DSCAML1: variants seen among roughly 807,000 people sequenced by gnomAD.
The protein encoded by DSCAML1 is cell adhesion molecule DSCAML1.
A neutral mutation model predicts 200.5 loss-of-function variants in DSCAML1; 38 were observed. The ratio of observed to expected loss-of-function variants is 0.19; its 90% CI spans 0.15 to 0.25. The LOEUF (loss-of-function observed/expected upper bound fraction) is 0.25. DSCAML1 is among the 10% of genes least tolerant of loss of function. The pLI is 1.00. For missense variants in DSCAML1, 2,223 were observed against 2,858.8 expected (o/e 0.78, Z 5.07); for synonymous variants, 1,215 against 1,165.0 (o/e 1.04, Z -0.87).
intron 3 of DSCAML1, among the ~76,000 whole-genome samples, chr11:117,626,178 G>A (rs896202581): frequency 3.4e-5 from 5 of 147,938 alleles, no homozygotes; most frequent in Non-Finnish European, 5.9e-5. Context: ...GCGGTGTTTA[G>A]CACAGCCCAC....
intron 3 of DSCAML1, among the ~76,000 whole-genome samples, chr11:117,707,857 G>T (rs1447427368): frequency 2.6e-5 from 4 of 152,178 alleles, no homozygotes; most frequent in African/African-American, 9.7e-5. Flanking sequence ...CAACAGTCCA[G>T]CTGCCTGATG....
At chr11:117,782,185 C>T (rs1035162290) in intron 1 of DSCAML1, among the ~76,000 whole-genome samples, 8 of 152,142 alleles carry the variant, frequency 5.3e-5, no homozygotes, top group East Asian at 1.9e-4. Flanking sequence ...CACATCCGGC[C>T]GTATTAATAT....
chr11:117,505,058 A>C lies in DSCAML1; in HGVS notation c.2063-15T>G. On this transcript the variant is annotated splice_polypyrimidine_tract_variant and intron_variant, in intron 9 of 32. Transcript: ENST00000651296. This position sits in a 1 kb window ranked among gnomAD's most constrained non-coding sequence, Gnocchi z 6.7. ...TCGAGGGGGCACTGCAGAAAGAGGG[A>C]AGGTAGGGAAACAGACCATTTTAGT... is the stretch of plus-strand genomic sequence containing the variant. 3 of 1,602,702 alleles carry C rather than the reference A, an allele frequency of 1.9e-6. No individual in the cohort carries two copies. Among genetic ancestry groups the C allele is most frequent in the Non-Finnish European group, 2.6e-6 (3 of 1,174,012 alleles).
chr11:117,598,391 A>G (rs981918215), intron 3 of DSCAML1, among the ~76,000 whole-genome samples: 1 of 152,214 alleles, frequency 6.6e-6, no homozygotes, highest in Non-Finnish European at 1.5e-5. Flanking sequence ...TAACTTGCCC[A>G]AGGTTGAAGA....
chr11:117,481,168 A>AG lies in DSCAML1; in HGVS notation c.2656+5dup. ...GGGATGGGAAGGGTGGGGCAGGTGA[A>AG]GGTACCTTGCACAGTGAGTTGGATC... On this transcript the variant is annotated splice_donor_region_variant and intron_variant, in intron 13 of 32. Coordinates refer to ENST00000651296, the MANE Select transcript of DSCAML1 (RefSeq NM_020693.4). The AG allele has an allele frequency of 6.2e-7, 1 of 1,613,482 alleles. No homozygotes were observed. Among genetic ancestry groups the AG allele is most frequent in the Non-Finnish European group, 8.5e-7 (1 of 1,179,690 alleles).
At chr11:117,552,693 T>C (rs2050489954) in intron 3 of DSCAML1, among the ~76,000 whole-genome samples, 1 of 152,200 alleles carries the variant, frequency 6.6e-6, no homozygotes, top group South Asian at 2.1e-4. Context: ...ATTGCTATCA[T>C]CGTTTTGAGG....
chr11:117,488,736 C>T (rs930793711), intron 11 of DSCAML1, among the ~76,000 whole-genome samples: 3 of 152,226 alleles, frequency 2.0e-5, no homozygotes, highest in African/African-American at 7.2e-5. Context: ...ACACACATCT[C>T]CCCACACTGC....
chr11:117,507,757 T>C (rs1177908566), intron 8 of DSCAML1, among the ~76,000 whole-genome samples: 2 of 152,192 alleles, frequency 1.3e-5, no homozygotes, highest in Non-Finnish European at 2.9e-5. Context: ...CAGCTGGCTT[T>C]GATCCACCTT....
At chr11:117,485,294 T>G (rs1017133300) in intron 11 of DSCAML1, among the ~76,000 whole-genome samples, 1 of 152,216 alleles carries the variant, frequency 6.6e-6, no homozygotes, top group African/African-American at 2.4e-5. Context: ...CCAGGGATCC[T>G]TGGCCCCTCA....
At chr11:117,635,596 A>C (rs1423811077) in intron 3 of DSCAML1, among the ~76,000 whole-genome samples, 2 of 151,916 alleles carry the variant, frequency 1.3e-5, no homozygotes, top group Non-Finnish European at 2.9e-5. Flanking sequence ...GAGAAGAAAA[A>C]GGAAATGAAG....
At chr11:117,650,915 G>A (rs966512824) in intron 3 of DSCAML1, among the ~76,000 whole-genome samples, 1 of 152,230 alleles carries the variant, frequency 6.6e-6, no homozygotes, top group Non-Finnish European at 1.5e-5. Flanking sequence ...GCCTCTGCCA[G>A]TTGATCAACC....
rs531609193 is a variant in DSCAML1, at chr11:117,795,348, C to T, written c.46+1686G>A. On this transcript the variant is annotated intron_variant, in intron 1 of 32. Coordinates refer to ENST00000651296, the MANE Select transcript of DSCAML1 (RefSeq NM_020693.4). ...AGAACTATCGAGAGAGAAAGCCGCT[C>T]CTCACCTTATGTATTTTTAATATTA... is the stretch of plus-strand genomic sequence containing the variant. Among the ~76,000 whole-genome samples, 12 of 152,238 alleles carry T rather than the reference C, an allele frequency of 7.9e-5. No homozygotes were observed. In the South Asian group the frequency reaches 1.9e-3, roughly 24 times the overall value.
intron 1 of DSCAML1, among the ~76,000 whole-genome samples, 167 bp downstream of exon 1, chr11:117,796,867 C>T (rs1002236680): frequency 2.6e-5 from 4 of 152,234 alleles, no homozygotes; most frequent in Non-Finnish European, 4.4e-5. Context: ...GACTCTCACT[C>T]GGCCCCTGTC....
chr11:117,785,539 G>T (rs903822123), intron 1 of DSCAML1, among the ~76,000 whole-genome samples: 3 of 152,118 alleles, frequency 2.0e-5, no homozygotes, highest in Non-Finnish European at 4.4e-5. Flanking sequence ...GGCCTCAGCG[G>T]TGGAAGACAG....
chr11:117,665,517 T>C (rs2052957968), intron 3 of DSCAML1, among the ~76,000 whole-genome samples: 1 of 152,202 alleles, frequency 6.6e-6, no homozygotes, highest in Non-Finnish European at 1.5e-5. Context: ...TTTGGCAGTC[T>C]ACTTATAAAA....
intron 3 of DSCAML1, among the ~76,000 whole-genome samples, chr11:117,566,253 T>C (rs1172570604): frequency 1.3e-5 from 2 of 152,176 alleles, no homozygotes; most frequent in African/African-American, 4.8e-5. Context: ...GCATAAATTG[T>C]ACAGACAAAA....
At chr11:117,735,985 A>G (rs918789231) in intron 3 of DSCAML1, among the ~76,000 whole-genome samples, 2 of 152,154 alleles carry the variant, frequency 1.3e-5, no homozygotes, top group Non-Finnish European at 2.9e-5. Flanking sequence ...CCCAACCCCT[A>G]TCTATAGGGC....
In DSCAML1 at chr11:117,504,111, C is replaced by G; in HGVS notation, c.2183-90G>C. 3 of 1,459,398 alleles carry G rather than the reference C, an allele frequency of 2.1e-6. No homozygotes were observed. Among genetic ancestry groups the G allele is most frequent in the Non-Finnish European group, 2.8e-6 (3 of 1,067,316 alleles). The allele number at this position is 1,459,398 out of a possible 1,614,324, so 90.4% of individuals were successfully genotyped here. On this transcript the variant is annotated intron_variant, in intron 10 of 32. Coordinates refer to ENST00000651296, the MANE Select transcript of DSCAML1 (RefSeq NM_020693.4). The surrounding 1 kb of genome is among the most constrained non-coding windows in gnomAD (Gnocchi z 5.0). ...GAGTGGCCCTGACACCTCGCTCTTG[C>G]AGATCTAGGGCCATTTTGTAGCAGA...
In DSCAML1 at chr11:117,504,075, G is replaced by A; in HGVS notation, c.2183-54C>T. 3 of 1,589,048 alleles carry A rather than the reference G, an allele frequency of 1.9e-6. No homozygotes were observed. The highest frequency in any genetic ancestry group is 1.1e-5 in the South Asian group (1 of 87,870). On this transcript the variant is annotated intron_variant, in intron 10 of 32. Transcript: ENST00000651296. This position sits in a 1 kb window ranked among gnomAD's most constrained non-coding sequence, Gnocchi z 5.0. ...GAGTCTGCACTGGGGCATAAGCTGAGAGTGCCCCAGGAGTGGCCCTGACAC... is the reference window on the plus strand; with the variant it reads ...GAGTCTGCACTGGGGCATAAGCTGAAAGTGCCCCAGGAGTGGCCCTGACAC...
Sources: gnomAD v4.1 joint callset for allele counts (sites outside exome capture counted in the v4.1 genomes callset) on GRCh38, gnomAD v4.1.1 for gene constraint, Gnocchi (gnomAD v3.1) non-coding constraint, MANE v1.5 for transcripts, NCBI Gene and HGNC (gene_info 2026-07-23, HGNC 2026-07-21) for gene names.